MCOLN3: variants seen among roughly 807,000 people sequenced by gnomAD.
MCOLN3 encodes the protein mucolipin TRP cation channel 3, also known as mucolipin-3.
In MCOLN3, 62 loss-of-function variants were observed where a neutral mutation model predicts 69.4. The ratio of observed to expected loss-of-function variants is 0.89; its 90% confidence interval spans 0.73 to 1.10. MCOLN3 has a LOEUF of 1.10. Ranked by LOEUF, MCOLN3 falls within the 50% of genes least tolerant of loss-of-function variation. The pLI is 0.00. For synonymous variants in MCOLN3, 183 were observed against 217.0 expected (o/e 0.84, Z 1.38); for missense variants, 564 against 656.4 (o/e 0.86, Z 1.54).
intron 9 of MCOLN3, chr1:85,023,221 C>T (rs56314577): frequency 0.037 from 5,589 of 151,836 alleles, 188 homozygotes; most frequent in East Asian, 0.19. Flanking sequence ...GCTTGGATTA[C>T]AGACACATGC....
rs371225249 is a variant in MCOLN3, at chr1:85,021,272, C to T, written c.1325G>A (p.Arg442His). The part of the protein sequence containing the change: ...IVLGPYHDKF[R>H]SLNMVSECLF... Reference sequence around the variant, plus strand: ...GCACTCAGAGACCATGTTCAGAGAACGAAACTGGAAAAAGAAAAGAGAAAA... The same window carrying T: ...GCACTCAGAGACCATGTTCAGAGAATGAAACTGGAAAAAGAAAAGAGAAAA... Residue 442 changes from arginine (R) to histidine (H), a missense_variant, in exon 12 of 13, where the codon CGT becomes CAT. Physicochemically the swap from Arg to His is conservative, Grantham distance 29. Transcript: ENST00000370589. 1.1e-5 allele frequency: 17 copies of T among 1,605,848 alleles called. No homozygotes were observed. Among genetic ancestry groups the T allele is most frequent in the East Asian group, 6.7e-5 (3 of 44,790 alleles).
chr1:85,033,921 A>G (rs981783780), intron 4 of MCOLN3, among the ~76,000 whole-genome samples, 177 bp downstream of exon 4: 5 of 152,280 alleles, frequency 3.3e-5, no homozygotes, highest in African/African-American at 1.2e-4. Flanking sequence ...TTCCTTGAGG[A>G]TTCTTGAGTT....
chr1:85,022,471 G>T, intron 9 of MCOLN3, 71 bp from the exon 10 acceptor site: 1 of 1,069,918 alleles, frequency 9.3e-7, no homozygotes, highest in Admixed American at 2.1e-5. Flanking sequence ...ATTGAGGTAA[G>T]TATGAGTAAG....
chr1:85,038,995 A>T (rs1652933400), intron 3 of MCOLN3, among the ~76,000 whole-genome samples: 1 of 152,152 alleles, frequency 6.6e-6, no homozygotes, highest in South Asian at 2.1e-4. Flanking sequence ...ACCCTGTCTC[A>T]AAAATAAAAA....
chr1:85,019,927 G>T (rs903297241), intron 12 of MCOLN3, among the ~76,000 whole-genome samples: 27 of 152,202 alleles, frequency 1.8e-4, no homozygotes, highest in African/African-American at 4.8e-4. Context: ...GAAAGGATCA[G>T]AAGTAACTTA....
rs1652611631 is a variant in MCOLN3 at position 85,032,912 on chromosome 1, G to C, written c.595C>G (p.Pro199Ala). 6.2e-7 allele frequency: 1 copy of C among 1,614,076 alleles called. No individual in the cohort carries two copies. Among genetic ancestry groups the C allele is most frequent in the African/African-American group, 1.3e-5 (1 of 75,046 alleles). The change falls in exon 5 of 13, where the codon CCA becomes GCA. Residue 199 changes from proline (P) to alanine (A), a missense_variant. Physicochemically the swap from Pro to Ala is conservative, Grantham distance 27. Coordinates refer to ENST00000370589, the MANE Select transcript of MCOLN3 (RefSeq NM_018298.11). The part of the protein sequence containing the change: ...EPDEPFHIGT[P>A]AENKLNLTLD... ...GTTAAGTTCAGTTTATTTTCTGCTGGTGTCCCAATGTGAAAAGGTTCATCT... is the reference window on the plus strand; with the variant it reads ...GTTAAGTTCAGTTTATTTTCTGCTGCTGTCCCAATGTGAAAAGGTTCATCT...
intron 9 of MCOLN3, among the ~76,000 whole-genome samples, chr1:85,023,867 A>T (rs892465926): frequency 6.6e-6 from 1 of 152,202 alleles, no homozygotes; most frequent in Admixed American, 6.5e-5. Flanking sequence ...ACCAGGTGAT[A>T]GTCCATTGAA....
chr1:85,038,475 G>A (rs1376717779), intron 3 of MCOLN3, among the ~76,000 whole-genome samples: 1 of 152,188 alleles, frequency 6.6e-6, no homozygotes, highest in African/African-American at 2.4e-5. Flanking sequence ...CAGTAGTGCT[G>A]TTATAATCAC....
At chr1:85,039,620 C>G (rs902474338) in intron 3 of MCOLN3, among the ~76,000 whole-genome samples, 1 of 152,080 alleles carries the variant, frequency 6.6e-6, no homozygotes, top group Non-Finnish European at 1.5e-5. Context: ...GCAGAATGGC[C>G]TAAGTGCCAA....
In MCOLN3 at chr1:85,022,312, A is replaced by G; in HGVS notation, c.1184T>C (p.Phe395Ser). 6.2e-7 allele frequency: 1 copy of G among 1,614,014 alleles called. No individual in the cohort carries two copies. The highest frequency in any genetic ancestry group is 1.3e-5 in the African/African-American group (1 of 75,058). The change falls in exon 10 of 13, where the codon TTT becomes TCT. Residue 395 changes from phenylalanine to serine, a missense_variant. Physicochemically the swap from Phe to Ser is radical, Grantham distance 155. Transcript: ENST00000370589. ...GGAATTCCTTACGTTGTACTTTGCAAAGAAACCGAGGTATCGGATGACTCC... is the reference window on the plus strand; with the variant it reads ...GGAATTCCTTACGTTGTACTTTGCAGAGAAACCGAGGTATCGGATGACTCC... ...WLGVIRYLGF[F>S]AKYNLLILTL...
At position 85,045,233 on chromosome 1, in the gene MCOLN3, T is replaced by C. The variant is rs1571130053; in HGVS notation, c.128A>G (p.Lys43Arg). The part of the protein sequence containing the change: ...LLEDQMRRKL[K>R]FFFMNPCEKF... ...CTCACAGGGATTCATGAAAAAAAAT[T>C]TGAGTTTTCGCCTCATCTGGTCTTC... Residue 43 changes from lysine (K) to arginine (R), a missense_variant, in exon 2 of 13, where the codon AAA (lysine) becomes AGA (arginine). Transcript: ENST00000370589. 6.2e-7 allele frequency: 1 copy of C among 1,614,110 alleles called. No homozygotes were observed. Among genetic ancestry groups the C allele is most frequent in the Non-Finnish European group, 8.5e-7 (1 of 1,180,010 alleles).
chr1:85,044,230 T>C (rs1181333084), intron 2 of MCOLN3, among the ~76,000 whole-genome samples: 1 of 152,258 alleles, frequency 6.6e-6, no homozygotes, highest in African/African-American at 2.4e-5. Flanking sequence ...ACCAACTTCA[T>C]ATGATTGTAA....
chr1:85,041,550 C>T (rs951482922), intron 2 of MCOLN3, among the ~76,000 whole-genome samples: 1 of 152,150 alleles, frequency 6.6e-6, no homozygotes, highest in Non-Finnish European at 1.5e-5. Flanking sequence ...GTCATATTAA[C>T]CTAAGGCCTT....
intron 4 of MCOLN3, among the ~76,000 whole-genome samples, 181 bp downstream of exon 4, chr1:85,033,917 G>A (rs1652670995): frequency 6.6e-6 from 1 of 152,120 alleles, no homozygotes; most frequent in Non-Finnish European, 1.5e-5. Flanking sequence ...GGGTTTCCTT[G>A]AGGATTCTTG....
intron 7 of MCOLN3, among the ~76,000 whole-genome samples, chr1:85,028,788 G>A (rs2102924677): frequency 1.3e-5 from 2 of 152,288 alleles, no homozygotes; most frequent in Middle Eastern, 3.4e-3. Context: ...GAAAACTAAG[G>A]TGGAAGTAGG....
chr1:85,030,339 A>C (rs1456665423), intron 6 of MCOLN3, among the ~76,000 whole-genome samples: 1 of 152,286 alleles, frequency 6.6e-6, no homozygotes, highest in Non-Finnish European at 1.5e-5. Flanking sequence ...CAAAGAAAGA[A>C]GAAAAATAAT....
At chr1:85,045,055 T>TA (rs375048424) in intron 2 of MCOLN3, 78 bp downstream of exon 2, 13,050 of 981,868 alleles carry the variant, frequency 0.013, no homozygotes, top group Non-Finnish European at 0.015. Context: ...AAAAGTTATT[T>TA]AAAAAAAAAA....
rs1651792909 is a variant in MCOLN3 at position 85,018,978 on chromosome 1, TATA to T, written c.*142_*144del. On this transcript the variant is annotated 3_prime_UTR_variant, in exon 13 of 13. Coordinates refer to ENST00000370589, the MANE Select transcript of MCOLN3 (RefSeq NM_018298.11). ...AGACATTAAATATTGCTTTTAAAAATATAAACAGTTATTGGTGAATTATAGGTC... is the reference window on the plus strand; with the variant it reads ...AGACATTAAATATTGCTTTTAAAAATAACAGTTATTGGTGAATTATAGGTC... 1.4e-6 allele frequency: 1 copy of T among 711,464 alleles called. No homozygotes were observed. Among genetic ancestry groups the T allele is most frequent in the Non-Finnish European group, 2.1e-6 (1 of 466,586 alleles). The allele number at this position is 711,464 out of a possible 1,614,324, so 44.1% of individuals were successfully genotyped here. A position where few individuals can be genotyped will look rare whatever the true frequency, so the allele number is the denominator to read the frequency against.
At chr1:85,046,120 T>A (rs1225666200) in intron 1 of MCOLN3, among the ~76,000 whole-genome samples, 2 of 152,120 alleles carry the variant, frequency 1.3e-5, no homozygotes, top group Non-Finnish European at 2.9e-5. Context: ...GCAGACAGGG[T>A]GGCTTCCTAG....
Sources: allele counts gnomAD v4.1 joint callset (sites outside exome capture counted in the v4.1 genomes callset), GRCh38; gene constraint gnomAD v4.1.1; transcripts MANE v1.5; gene names NCBI Gene and HGNC (gene_info 2026-07-23, HGNC 2026-07-21).